Variants in FAXC observed in about 807,000 individuals in gnomAD.
FAXC encodes the protein failed axon connections homolog, metaxin like GST domain containing.
FAXC carries 10 observed loss-of-function variants against 41.9 expected under a neutral mutation model. That is an observed-to-expected ratio of 0.24 (90% CI 0.15 to 0.41). The LOEUF (loss-of-function observed/expected upper bound fraction) is 0.41, where lower values mean the gene tolerates loss of function less well. Ranked by LOEUF, FAXC falls within the 10% of genes least tolerant of loss-of-function variation. The pLI, the probability that FAXC is intolerant of heterozygous loss-of-function variation, is 1.00. For missense variants in FAXC, 399 were observed against 510.9 expected (o/e 0.78, Z 2.11); for synonymous variants, 183 against 183.8 (o/e 1.00, Z 0.03).
chr6:99,343,059 G>T, intron 1 of FAXC, 26 bp from the exon 2 acceptor site: 1 of 1,585,932 alleles, frequency 6.3e-7, no homozygotes. Context: ...CAGAAATAAA[G>T]TACAATCCAC....
intron 4 of FAXC, among the ~76,000 whole-genome samples, chr6:99,306,915 T>G (rs751013391): frequency 4.6e-5 from 7 of 152,152 alleles, no homozygotes; most frequent in Admixed American, 2.0e-4. Context: ...GGGGATCACC[T>G]GAAACTACAA....
chr6:99,290,101 CCACACACACACA>C (rs34319104), intron 5 of FAXC, among the ~76,000 whole-genome samples: 8 of 142,578 alleles, frequency 5.6e-5, no homozygotes, highest in East Asian at 4.3e-4. Flanking sequence ...CCCTACCCCA[CCACACACACACA>C]CACACACACA....
rs9389249 is a variant in FAXC, at chr6:99,322,421, C to T, written c.823+1023G>A. Among the ~76,000 whole-genome samples, 100 of 152,242 alleles carry T rather than the reference C, an allele frequency of 6.6e-4. No individual in the cohort carries two copies. In the East Asian group the frequency reaches 0.018, roughly 28 times the overall value. On this transcript the variant is annotated intron_variant, in intron 4 of 5. Coordinates refer to ENST00000389677, the MANE Select transcript of FAXC (RefSeq NM_032511.4). ...AGCATGGCTTCCAGTTCCTAAGGCA[C>T]GAGGTGGTCTTCAACAAAACAAATT...
chr6:99,298,764 T>C (rs1221638516), intron 4 of FAXC, among the ~76,000 whole-genome samples: 1 of 152,246 alleles, frequency 6.6e-6, no homozygotes, highest in Non-Finnish European at 1.5e-5. Context: ...AGTATAATAA[T>C]GTGAAAGCAT....
intron 4 of FAXC, among the ~76,000 whole-genome samples, chr6:99,308,349 A>G (rs1772012330): frequency 6.6e-6 from 1 of 152,254 alleles, no homozygotes; most frequent in African/African-American, 2.4e-5. Context: ...TCAGAAAATC[A>G]GTTTACAATG....
At chr6:99,334,142 A>G (rs1301465249) in intron 2 of FAXC, among the ~76,000 whole-genome samples, 1 of 152,216 alleles carries the variant, frequency 6.6e-6, no homozygotes, top group Non-Finnish European at 1.5e-5. Context: ...ACTGGATCAG[A>G]ATCCTGGGGA....
intron 2 of FAXC, among the ~76,000 whole-genome samples, chr6:99,333,788 G>T (rs1207071199): frequency 1.3e-5 from 2 of 151,990 alleles, no homozygotes; most frequent in African/African-American, 2.4e-5. Context: ...TTTGGCTTAT[G>T]ATGGAAAAGG....
chr6:99,332,731 T>C lies in FAXC; in HGVS notation c.599+620A>G, dbSNP rs532707196. Among the ~76,000 whole-genome samples, 146 of 152,340 alleles carry C rather than the reference T, an allele frequency of 9.6e-4. 4 individuals carry two copies. In the South Asian group the frequency reaches 0.028, roughly 30 times the overall value. Reference sequence around the variant, plus strand: ...AACATACAGAAGCTCTTGTTATCTATGGACAATTGACCCTAGGAATTCTAT... The same window carrying C: ...AACATACAGAAGCTCTTGTTATCTACGGACAATTGACCCTAGGAATTCTAT... On this transcript the variant is annotated intron_variant, in intron 3 of 5. Coordinates refer to ENST00000389677, the MANE Select transcript of FAXC (RefSeq NM_032511.4).
chr6:99,280,219 A>C lies in FAXC; in HGVS notation c.*945T>G, dbSNP rs1770775928. 2.0e-5 allele frequency: 3 copies of C among 152,224 alleles called. No individual in the cohort carries two copies. The highest frequency in any genetic ancestry group is 2.9e-5 in the Non-Finnish European group (2 of 68,032). The allele number at this position is 152,224 out of a possible 1,614,324, so 9.4% of individuals were successfully genotyped here. ...GTCGATAATTTGTAAAAACATTTCCAATGTTCTTTGAACAAAAGATTTTGA... is the reference window on the plus strand; with the variant it reads ...GTCGATAATTTGTAAAAACATTTCCCATGTTCTTTGAACAAAAGATTTTGA... On this transcript the variant is annotated 3_prime_UTR_variant, in exon 6 of 6. Coordinates refer to ENST00000389677, the MANE Select transcript of FAXC (RefSeq NM_032511.4).
rs1364189892 is a variant in FAXC at position 99,349,578 on chromosome 6, G to C, written c.-206C>G. On this transcript the variant is annotated 5_prime_UTR_variant, in exon 1 of 6. Transcript: ENST00000389677. ...CTGGCCGCGGACGGCGGGCCTGGCC[G>C]GCGGGGCCCCAGAGCCCTGGGCGGC... 5.1e-6 allele frequency: 1 copy of C among 195,588 alleles called. No individual in the cohort carries two copies. Among genetic ancestry groups the C allele is most frequent in the East Asian group, 1.9e-4 (1 of 5,344 alleles). 12.1% of individuals were successfully genotyped at this position (195,588 alleles called of 1,614,324 possible).
intron 4 of FAXC, among the ~76,000 whole-genome samples, chr6:99,313,593 C>T (rs1417326238): frequency 6.6e-6 from 1 of 152,064 alleles, no homozygotes; most frequent in Non-Finnish European, 1.5e-5. Context: ...ATAGTTTCAC[C>T]CTATGGCACC....
intron 4 of FAXC, among the ~76,000 whole-genome samples, chr6:99,300,790 T>G (rs1771674661): frequency 6.6e-6 from 1 of 152,232 alleles, no homozygotes; most frequent in African/African-American, 2.4e-5. Flanking sequence ...AAAGACTATC[T>G]GGTAGCCACC....
intron 4 of FAXC, among the ~76,000 whole-genome samples, chr6:99,303,011 G>A (rs907968367): frequency 3.9e-5 from 6 of 152,104 alleles, no homozygotes; most frequent in East Asian, 1.9e-4. Context: ...AATCAAAATC[G>A]TCTGATCTTG....
chr6:99,279,438 T>C lies in FAXC; in HGVS notation c.*1726A>G, dbSNP rs1770744101. On this transcript the variant is annotated 3_prime_UTR_variant, in exon 6 of 6. Transcript: ENST00000389677. Reference sequence around the variant, plus strand: ...TCTACAGCAGTCTTTTAAGATTGTTTTGCAAATGCTATATTCAAAAAGAGG... The same window carrying C: ...TCTACAGCAGTCTTTTAAGATTGTTCTGCAAATGCTATATTCAAAAAGAGG... The C allele has an allele frequency of 6.6e-6, 1 of 151,400 alleles. No individual in the cohort carries two copies. Among genetic ancestry groups the C allele is most frequent in the Non-Finnish European group, 1.5e-5 (1 of 67,966 alleles). The allele number at this position is 151,400 out of a possible 1,614,324, so 9.4% of individuals were successfully genotyped here.
chr6:99,303,892 A>C (rs1433104138), intron 4 of FAXC, among the ~76,000 whole-genome samples: 1 of 152,218 alleles, frequency 6.6e-6, no homozygotes, highest in Non-Finnish European at 1.5e-5. Flanking sequence ...TATATAGGAG[A>C]TATGTTAAAG....
chr6:99,281,573 G>C, intron 5 of FAXC, 120 bp from the exon 6 acceptor site: 1 of 815,494 alleles, frequency 1.2e-6, no homozygotes, highest in South Asian at 1.7e-5. Context: ...GATGGTCTAA[G>C]GAGGTGGGGC....
chr6:99,326,800 A>G (rs1201770366), intron 3 of FAXC, among the ~76,000 whole-genome samples: 3 of 152,230 alleles, frequency 2.0e-5, no homozygotes, highest in African/African-American at 7.2e-5. Context: ...GAGGGGCTAC[A>G]GAGAAATTTA....
intron 4 of FAXC, among the ~76,000 whole-genome samples, chr6:99,308,445 CTT>C (rs1328091755): frequency 1.3e-5 from 2 of 152,198 alleles, no homozygotes; most frequent in African/African-American, 4.8e-5. Context: ...TTACTGGTCA[CTT>C]TGTCAATTTG....
In FAXC at chr6:99,280,668, A is replaced by T. The variant is rs892147258; in HGVS notation, c.*496T>A. The T allele has an allele frequency of 6.0e-6, 1 of 165,562 alleles. No homozygotes were observed. The allele number at this position is 165,562 out of a possible 1,614,324, so 10.3% of individuals were successfully genotyped here. A position where few individuals can be genotyped will look rare whatever the true frequency, so the allele number is the denominator to read the frequency against. Reference sequence around the variant, plus strand: ...TTTGCACATAGTAGGTGTTCGTTTAATATCTGTGGATTTTATTTGACTTAT... The same window carrying T: ...TTTGCACATAGTAGGTGTTCGTTTATTATCTGTGGATTTTATTTGACTTAT... On this transcript the variant is annotated 3_prime_UTR_variant, in exon 6 of 6. Coordinates refer to ENST00000389677, the MANE Select transcript of FAXC (RefSeq NM_032511.4).
Sources: allele counts gnomAD v4.1 joint callset (sites outside exome capture counted in the v4.1 genomes callset), GRCh38; gene constraint gnomAD v4.1.1; transcripts MANE v1.5; gene names NCBI Gene and HGNC (gene_info 2026-07-23, HGNC 2026-07-21).